Variants in KCNH1 observed in about 807,000 individuals in gnomAD.
KCNH1 encodes voltage-gated delayed rectifier potassium channel KCNH1.
A neutral mutation model predicts 69.2 loss-of-function variants in KCNH1; 27 were observed. The observed-to-expected ratio is 0.39, with a 90% confidence interval of 0.29 to 0.54. The LOEUF is 0.54. KCNH1 is among the 20% of genes least tolerant of loss of function. The pLI is 0.68. For synonymous variants in KCNH1, 456 were observed against 487.7 expected, an observed-to-expected ratio of 0.93 and a Z score of 0.86; for missense variants, 798 against 1,261.6, an observed-to-expected ratio of 0.63 and a Z score of 5.57.
intron 10 of KCNH1, among the ~76,000 whole-genome samples, chr1:210,755,930 T>A (rs1180857224): frequency 6.6e-6 from 1 of 152,192 alleles, no homozygotes; most frequent in Admixed American, 6.5e-5. Flanking sequence ...ATTTCATAAT[T>A]GCTTTTTATG....
chr1:210,859,757 G>A, intron 7 of KCNH1: 1 of 1,044,302 alleles, frequency 9.6e-7, no homozygotes, highest in African/African-American at 1.6e-5. Context: ...ATATCAATAA[G>A]AGCACAGAGA....
At chr1:211,023,142 A>AT (rs1224657090) in intron 5 of KCNH1, among the ~76,000 whole-genome samples, 1 of 147,102 alleles carries the variant, frequency 6.8e-6, no homozygotes, top group Non-Finnish European at 1.5e-5. Flanking sequence ...AAATAAATAA[A>AT]TAAATAAATA....
At chr1:211,034,441 G>C (rs993409956) in intron 5 of KCNH1, among the ~76,000 whole-genome samples, 8 of 124,082 alleles carry the variant, frequency 6.4e-5, no homozygotes, top group African/African-American at 2.3e-4. Context: ...GGAAGGGGGT[G>C]GGGGGTGCCC....
rs1412298460 is a variant in KCNH1, at chr1:210,861,529, ATCT to A, written c.1463-57366_1463-57364del. On this transcript the variant is annotated intron_variant, in intron 7 of 10. Coordinates refer to ENST00000271751, the MANE Select transcript of KCNH1 (RefSeq NM_172362.3). ...TCCATTATGATAACTCAGGTCGGTC[ATCT>A]TCTTCAATTCGAAGTGTTTCAGTCT... 7 of 772,888 alleles carry A rather than the reference ATCT, an allele frequency of 9.1e-6. No homozygotes were observed. In the South Asian group the frequency reaches 9.4e-5, roughly 10 times the overall value. The allele number at this position is 772,888 out of a possible 1,614,324, so 47.9% of individuals were successfully genotyped here.
At chr1:211,017,259 G>A (rs1571581615) in intron 6 of KCNH1, among the ~76,000 whole-genome samples, 6 of 152,264 alleles carry the variant, frequency 3.9e-5, no homozygotes, top group South Asian at 4.1e-4. Context: ...CCCACCAACC[G>A]CTGGTACTGA....
chr1:210,765,268 G>C (rs1207946106), intron 10 of KCNH1, among the ~76,000 whole-genome samples: 2 of 152,124 alleles, frequency 1.3e-5, no homozygotes, highest in African/African-American at 4.8e-5. Context: ...CGGGTGGAAG[G>C]GTTGAAAAAC....
chr1:210,845,750 AAT>A lies in KCNH1; in HGVS notation c.1463-41586_1463-41585del, dbSNP rs1016136052. Among the ~76,000 whole-genome samples, 11 of 149,092 alleles carry A rather than the reference AAT, an allele frequency of 7.4e-5. No individual in the cohort carries two copies. In the East Asian group the frequency reaches 1.2e-3, roughly 16 times the overall value. ...CCAGGGCAATCAGGCAGGAGAAGGA[AAT>A]AAAGGGTATTCAATTAGGAAAAGAG... On this transcript the variant is annotated intron_variant, in intron 7 of 10. Coordinates refer to ENST00000271751, the MANE Select transcript of KCNH1 (RefSeq NM_172362.3).
Position 210,715,958 on chromosome 1 carries a change from AG to A in KCNH1, c.2113-31821del, listed in dbSNP as rs1200421574. ...CCAGGGGACATGCCACCCTGGCCTT[AG>A]GGATACAAAGGAAAGTAGATCCTGG... is the stretch of plus-strand genomic sequence containing the variant. On this transcript the variant is annotated intron_variant, in intron 10 of 10. Coordinates refer to ENST00000271751, the MANE Select transcript of KCNH1 (RefSeq NM_172362.3). Among the ~76,000 whole-genome samples the A allele has an allele frequency of 2.6e-5, 4 of 152,294 alleles. No homozygotes were observed. In the East Asian group the frequency reaches 5.8e-4, roughly 22 times the overall value.
chr1:210,792,468 G>A (rs1029097944), intron 9 of KCNH1, among the ~76,000 whole-genome samples: 3 of 152,100 alleles, frequency 2.0e-5, no homozygotes, highest in African/African-American at 7.2e-5. Flanking sequence ...AGAAATCAAA[G>A]AGTCTGGGGC....
intron 6 of KCNH1, among the ~76,000 whole-genome samples, chr1:210,945,741 G>A (rs1025407140): frequency 7.2e-5 from 11 of 152,114 alleles, no homozygotes; most frequent in Admixed American, 2.6e-4. Context: ...CCCTTCCACC[G>A]CAGGGCCTTT....
At chr1:211,077,602 A>C (rs1042515360) in intron 5 of KCNH1, among the ~76,000 whole-genome samples, 1 of 152,206 alleles carries the variant, frequency 6.6e-6, no homozygotes, top group Non-Finnish European at 1.5e-5. Context: ...AGAGCTCCTG[A>C]AGGAAGCACT....
intron 9 of KCNH1, among the ~76,000 whole-genome samples, chr1:210,781,888 C>A (rs1770217): frequency 0.078 from 11,945 of 152,284 alleles, 553 homozygotes; most frequent in Non-Finnish European, 0.1. Context: ...CTTGTGGTGA[C>A]CACTGCTGGA....
chr1:211,012,900 G>T (rs565556679), intron 6 of KCNH1, among the ~76,000 whole-genome samples: 13 of 152,108 alleles, frequency 8.5e-5, no homozygotes, highest in Non-Finnish European at 1.8e-4. Flanking sequence ...GGGGAGGGTG[G>T]TCTCTGTACA....
Position 210,975,381 on chromosome 1 carries a change from G to A in KCNH1, c.1032+43402C>T, listed in dbSNP as rs185513053. 2.8e-3 allele frequency among the ~76,000 whole-genome samples: 429 copies of A among 152,234 alleles called. 6 individuals are homozygous for A. The highest frequency in any genetic ancestry group is 2.5e-3 in the Non-Finnish European group (173 of 68,024). On this transcript the variant is annotated intron_variant, in intron 6 of 10. Transcript: ENST00000271751. ...AGGCTACAGTAACCAAAACAGCATG[G>A]TACTGGTACCAAAACAGAGATGTAG...
chr1:211,070,768 G>A (rs556551138), intron 5 of KCNH1, among the ~76,000 whole-genome samples: 1 of 150,500 alleles, frequency 6.6e-6, no homozygotes, highest in East Asian at 2.0e-4. Flanking sequence ...GTTGCAGTGA[G>A]CCAAGATCAT....
chr1:210,773,812 T>C (rs1321144579), intron 10 of KCNH1, among the ~76,000 whole-genome samples: 1 of 152,230 alleles, frequency 6.6e-6, no homozygotes, highest in Admixed American at 6.5e-5. Context: ...TCCATTAGAC[T>C]TTAGGTTCCC....
intron 7 of KCNH1, among the ~76,000 whole-genome samples, chr1:210,853,384 C>G (rs1422389307): frequency 3.9e-5 from 6 of 152,208 alleles, no homozygotes; most frequent in African/African-American, 9.6e-5. Context: ...GTAGCCAGGA[C>G]TGCTCCCCAG....
chr1:210,801,469 C>G (rs1417314591), intron 8 of KCNH1, among the ~76,000 whole-genome samples: 1 of 152,222 alleles, frequency 6.6e-6, no homozygotes, highest in African/African-American at 2.4e-5. Flanking sequence ...GGGTCCATGG[C>G]TATTCCCTCT....
intron 6 of KCNH1, among the ~76,000 whole-genome samples, chr1:211,014,672 T>C (rs745858835): frequency 6.6e-6 from 1 of 152,078 alleles, no homozygotes; most frequent in Non-Finnish European, 1.5e-5. Context: ...CCAACACAGC[T>C]CACGTCCTTC....
Sources: gnomAD v4.1 joint callset for allele counts (sites outside exome capture counted in the v4.1 genomes callset) on GRCh38, gnomAD v4.1.1 for gene constraint, MANE v1.5 for transcripts, NCBI Gene and HGNC (gene_info 2026-07-23, HGNC 2026-07-21) for gene names.